Variants in PRLR observed in about 807,000 individuals in gnomAD.
PRLR encodes the protein prolactin receptor, also known as hPRL receptor.
PRLR carries 13 observed loss-of-function variants against 40.2 expected under a neutral mutation model. The observed-to-expected ratio is 0.32, with a 90% CI of 0.21 to 0.51. The LOEUF is 0.51. PRLR is among the 20% of genes least tolerant of loss of function. PRLR has a pLI of 0.97. For synonymous variants in PRLR, 269 were observed against 278.7 expected, an observed-to-expected ratio of 0.97 and a Z score of 0.35; for missense variants, 656 against 747.3, an observed-to-expected ratio of 0.88 and a Z score of 1.42.
rs144934289 is a variant in PRLR, at chr5:35,169,290, G to A, written c.-105-51168C>T. On this transcript the variant is annotated intron_variant, in intron 1 of 9. Coordinates refer to ENST00000618457, the MANE Select transcript of PRLR (RefSeq NM_000949.7). ...CTTGCGGAAAGACCTTATTTTATGA[G>A]ATATTCAAGTTCTTTCTTATTGGTT... Among the ~76,000 whole-genome samples the A allele has an allele frequency of 1.4e-4, 21 of 152,196 alleles. No individual in the cohort carries two copies. The East Asian group carries it at 4.1e-3, about 29-fold the overall frequency.
At chr5:35,110,295 A>G (rs909658399) in intron 2 of PRLR, among the ~76,000 whole-genome samples, 2 of 152,132 alleles carry the variant, frequency 1.3e-5, no homozygotes, top group Non-Finnish European at 2.9e-5. Flanking sequence ...GCACACCAAC[A>G]TGGCACATGT....
At chr5:35,161,006 G>A (rs931615382) in intron 1 of PRLR, among the ~76,000 whole-genome samples, 1 of 152,156 alleles carries the variant, frequency 6.6e-6, no homozygotes, top group African/African-American at 2.4e-5. Context: ...TTTGTGTAGT[G>A]GGCAGGAAGA....
chr5:35,077,594 C>A (rs1321684587), intron 5 of PRLR, among the ~76,000 whole-genome samples: 2 of 152,158 alleles, frequency 1.3e-5, no homozygotes, highest in Non-Finnish European at 2.9e-5. Context: ...GACTCCCACA[C>A]AATAATAATG....
chr5:35,129,132 G>A (rs1050770739), intron 1 of PRLR, among the ~76,000 whole-genome samples: 1 of 152,156 alleles, frequency 6.6e-6, no homozygotes, highest in Non-Finnish European at 1.5e-5. Flanking sequence ...CTCCTTTCTG[G>A]ATGCTGGTGG....
rs115272302 is a variant in PRLR, at chr5:35,104,790, G to C, written c.-44+13271C>G. Among the ~76,000 whole-genome samples, 530 of 141,928 alleles carry C rather than the reference G, an allele frequency of 3.7e-3. 3 individuals carry two copies. Among genetic ancestry groups the C allele is most frequent in the African/African-American group, 0.014 (455 of 32,254 alleles). 93.1% of individuals were successfully genotyped at this position (141,928 alleles called of 152,430 possible). A position where few individuals can be genotyped will look rare whatever the true frequency, so the allele number is the denominator to read the frequency against. On this transcript the variant is annotated intron_variant, in intron 2 of 9. Coordinates refer to ENST00000618457, the MANE Select transcript of PRLR (RefSeq NM_000949.7). ...CCTGTCTCTGGATACTCCACCACTGGGGGCAGGGCATAGTGGAAAAAAAGG... is the reference window on the plus strand; with the variant it reads ...CCTGTCTCTGGATACTCCACCACTGCGGGCAGGGCATAGTGGAAAAAAAGG...
intron 1 of PRLR, among the ~76,000 whole-genome samples, chr5:35,213,837 G>A (rs1054042255): frequency 3.3e-5 from 5 of 152,152 alleles, no homozygotes; most frequent in Non-Finnish European, 5.9e-5. Context: ...CTCACAAATG[G>A]AAACAGGTAT....
At chr5:35,230,140 G>A (rs897876106) in intron 1 of PRLR, 128 bp downstream of exon 1, 1 of 152,170 alleles carries the variant, frequency 6.6e-6, no homozygotes, top group African/African-American at 2.4e-5. Flanking sequence ...CTCTCCAGGA[G>A]CCCGCGCCGG....
At chr5:35,223,960 C>G (rs1473168351) in intron 1 of PRLR, among the ~76,000 whole-genome samples, 1 of 152,172 alleles carries the variant, frequency 6.6e-6, no homozygotes, top group East Asian at 1.9e-4. Context: ...GTTATCTTCC[C>G]TAGTTTCTTT....
chr5:35,120,527 G>A (rs1773253075), intron 1 of PRLR, among the ~76,000 whole-genome samples: 1 of 152,064 alleles, frequency 6.6e-6, no homozygotes, highest in East Asian at 1.9e-4. Context: ...TATGGGGTGG[G>A]GTCCCAACAT....
At chr5:35,189,581 A>T (rs1407675394) in intron 1 of PRLR, among the ~76,000 whole-genome samples, 1 of 3,490 alleles carries the variant, frequency 2.9e-4, no homozygotes, top group African/African-American at 5.0e-3. Flanking sequence ...ACTCCGTTTA[A>T]AAAAAAAAAA....
intron 1 of PRLR, among the ~76,000 whole-genome samples, chr5:35,228,905 G>A (rs1390993960): frequency 6.6e-6 from 1 of 151,996 alleles, no homozygotes; most frequent in African/African-American, 2.4e-5. Flanking sequence ...TTCAGGCATG[G>A]CTTTCAGGGA....
intron 1 of PRLR, among the ~76,000 whole-genome samples, chr5:35,181,649 A>G (rs1435619785): frequency 6.6e-6 from 1 of 152,260 alleles, no homozygotes. Context: ...AGGCATAAAG[A>G]GGAGGCTAAA....
At chr5:35,144,605 C>A (rs1774125028) in intron 1 of PRLR, among the ~76,000 whole-genome samples, 1 of 151,682 alleles carries the variant, frequency 6.6e-6, no homozygotes, top group African/African-American at 2.4e-5. Context: ...AGGTGCACAC[C>A]ACCATGCCTG....
chr5:35,176,733 C>A (rs909465925), intron 1 of PRLR, among the ~76,000 whole-genome samples: 13 of 151,780 alleles, frequency 8.6e-5, no homozygotes, highest in Non-Finnish European at 8.8e-5. Context: ...CAAGGTTTCT[C>A]CCCATGTGAT....
At chr5:35,076,646 T>C (rs1770118010) in intron 5 of PRLR, among the ~76,000 whole-genome samples, 3 of 152,098 alleles carry the variant, frequency 2.0e-5, no homozygotes, top group African/African-American at 7.2e-5. Flanking sequence ...GGAGTACTTC[T>C]CCAACCTAGA....
exon 9 of PRLR, chr5:35,049,086 G>T (rs1300421737): frequency 2.9e-6 from 2 of 679,334 alleles, no homozygotes; most frequent in Admixed American, 4.1e-5. Flanking sequence ...TTTTTGTGTG[G>T]GTTTCCAGCT....
intron 1 of PRLR, among the ~76,000 whole-genome samples, chr5:35,205,887 A>G (rs1288168718): frequency 6.6e-6 from 1 of 152,200 alleles, no homozygotes; most frequent in Non-Finnish European, 1.5e-5. Context: ...AACAGGTTTA[A>G]GAACACATTA....
chr5:35,120,853 C>A (rs1773265117), intron 1 of PRLR, among the ~76,000 whole-genome samples: 1 of 152,154 alleles, frequency 6.6e-6, no homozygotes, highest in Non-Finnish European at 1.5e-5. Flanking sequence ...TCTTCAAGAG[C>A]CAAATAGTAA....
Position 35,086,207 on chromosome 5 carries a change from C to T in PRLR, c.203+1G>A, listed in dbSNP as rs777252610. 6.2e-7 allele frequency: 1 copy of T among 1,613,790 alleles called. No individual in the cohort carries two copies. The highest frequency in any genetic ancestry group is 8.5e-7 in the Non-Finnish European group (1 of 1,179,844). On this transcript the variant is annotated splice_donor_variant, in intron 4 of 9. Coordinates refer to ENST00000618457, the MANE Select transcript of PRLR (RefSeq NM_000949.7). LOFTEE classifies it high-confidence loss of function. ...TCATAGGAGAGAAGGGAACTTCTTACCCTTCCCTGTGGTAAGTCAGTGAAT... is the reference window on the plus strand; with the variant it reads ...TCATAGGAGAGAAGGGAACTTCTTATCCTTCCCTGTGGTAAGTCAGTGAAT...
Sources: gnomAD v4.1 joint callset for allele counts (sites outside exome capture counted in the v4.1 genomes callset) on GRCh38, gnomAD v4.1.1 for gene constraint, MANE v1.5 for transcripts, NCBI Gene and HGNC (gene_info 2026-07-23, HGNC 2026-07-21) for gene names.